LGSN: variants seen among roughly 807,000 people sequenced by gnomAD.
LGSN encodes the protein lengsin.
Under a neutral mutation model 19.5 loss-of-function variants are expected in LGSN, and 21 were observed. That is an observed-to-expected ratio of 1.07 (90% CI 0.76 to 1.55). The LOEUF (loss-of-function observed/expected upper bound fraction) is 1.55. LGSN is among the 40% of genes most tolerant of loss of function. The pLI, the probability that LGSN is intolerant of heterozygous loss-of-function variation, is 0.00. For missense variants in LGSN, 673 were observed against 608.5 expected, an observed-to-expected ratio of 1.11 and a Z score of -1.12; for synonymous variants, 257 against 215.6, an observed-to-expected ratio of 1.19 and a Z score of -1.68.
chr6:63,505,964 T>C, the LGSN span, among the ~76,000 whole-genome samples: 4 of 151,996 alleles, frequency 2.6e-5, no homozygotes, highest in Non-Finnish European at 5.9e-5. Flanking sequence ...ATTTTATTTG[T>C]AATGGGACAC....
the LGSN span, among the ~76,000 whole-genome samples, chr6:63,489,133 C>A: frequency 6.6e-6 from 1 of 152,028 alleles, no homozygotes; most frequent in Non-Finnish European, 1.5e-5. Context: ...AAAATATAAC[C>A]ATTTTAGATG....
the LGSN span, among the ~76,000 whole-genome samples, chr6:63,544,414 G>A: frequency 6.6e-6 from 1 of 151,794 alleles, no homozygotes; most frequent in African/African-American, 2.4e-5. Flanking sequence ...AAACCCCAGG[G>A]TCCAAAAACA....
the LGSN span, among the ~76,000 whole-genome samples, chr6:63,513,280 T>C: frequency 6.6e-6 from 1 of 152,234 alleles, no homozygotes; most frequent in African/African-American, 2.4e-5. Flanking sequence ...AGAAGCCTCC[T>C]ATGCAGATTG....
chr6:63,331,706 G>A, the LGSN span, among the ~76,000 whole-genome samples: 95 of 152,226 alleles, frequency 6.2e-4, no homozygotes, highest in African/African-American at 2.1e-3. Context: ...ACTCACCTAC[G>A]CAGCAGCAGA....
At chr6:63,433,311 A>G in the LGSN span, among the ~76,000 whole-genome samples, 1 of 152,238 alleles carries the variant, frequency 6.6e-6, no homozygotes, top group Non-Finnish European at 1.5e-5. Flanking sequence ...AGGGCTTTAG[A>G]TGAATTAACT....
chr6:63,454,793 C>CTTTTTT, the LGSN span, among the ~76,000 whole-genome samples: 186 of 91,706 alleles, frequency 2.0e-3, 1 homozygote, highest in East Asian at 2.8e-3. Context: ...TTTTCTTTTT[C>CTTTTTT]TTTTTTTTTT....
chr6:63,532,402 C>G, the LGSN span, among the ~76,000 whole-genome samples: 1 of 152,164 alleles, frequency 6.6e-6, no homozygotes, highest in Non-Finnish European at 1.5e-5. Flanking sequence ...TGCTCACATA[C>G]TACCAGTACC....
the LGSN span, among the ~76,000 whole-genome samples, chr6:63,564,146 G>A: frequency 1.3e-5 from 2 of 151,944 alleles, no homozygotes; most frequent in Admixed American, 6.6e-5. Flanking sequence ...GTGGTGGCAG[G>A]TGCCTGGTAA....
chr6:63,390,633 G>A, the LGSN span, among the ~76,000 whole-genome samples: 4 of 151,240 alleles, frequency 2.6e-5, no homozygotes, highest in Non-Finnish European at 4.4e-5. Flanking sequence ...GAGGCGGGCG[G>A]ATCACGAGGT....
At chr6:63,453,586 C>A in the LGSN span, among the ~76,000 whole-genome samples, 1 of 151,864 alleles carries the variant, frequency 6.6e-6, no homozygotes, top group Non-Finnish European at 1.5e-5. Context: ...TAGAACCACC[C>A]TGCTTTTTTT....
At chr6:63,553,370 A>G in the LGSN span, among the ~76,000 whole-genome samples, 41 of 152,176 alleles carry the variant, frequency 2.7e-4, no homozygotes, top group Admixed American at 2.7e-3. Context: ...AATGATTTTC[A>G]CACACAATTT....
At chr6:63,532,245 A>G in the LGSN span, among the ~76,000 whole-genome samples, 19 of 152,350 alleles carry the variant, frequency 1.2e-4, no homozygotes, top group East Asian at 3.5e-3. Flanking sequence ...TAGTGTCACA[A>G]TTTATTATGA....
At chr6:63,426,147 G>C in the LGSN span, among the ~76,000 whole-genome samples, 1 of 152,138 alleles carries the variant, frequency 6.6e-6, no homozygotes. Flanking sequence ...CATTGACTGT[G>C]ATAGCACACA....
At chr6:63,361,183 T>A in the LGSN span, among the ~76,000 whole-genome samples, 1 of 152,250 alleles carries the variant, frequency 6.6e-6, no homozygotes, top group Non-Finnish European at 1.5e-5. Flanking sequence ...TCTTCAAAGC[T>A]GTCAGACAGG....
chr6:63,432,187 A>G, the LGSN span, among the ~76,000 whole-genome samples: 9 of 32,648 alleles, frequency 2.8e-4, no homozygotes, highest in African/African-American at 1.1e-3. Flanking sequence ...AAGAAAGAAA[A>G]GAAAAGAAAA....
At chr6:63,408,893 A>T in the LGSN span, among the ~76,000 whole-genome samples, 1 of 152,238 alleles carries the variant, frequency 6.6e-6, no homozygotes, top group African/African-American at 2.4e-5. Context: ...GTAAATAATC[A>T]GGATTAAGTA....
chr6:63,309,389 G>A lies in LGSN; in HGVS notation c.30+10525C>T, dbSNP rs374463152. 1.2e-4 allele frequency among the ~76,000 whole-genome samples: 19 copies of A among 152,216 alleles called. No homozygotes were observed. In the East Asian group the frequency reaches 2.9e-3, roughly 23 times the overall value. ...AGAGGTTGCAGTGAGCCGAGATCTC[G>A]TCATTGCACTCCAGCCTGGGCAACA... On this transcript the variant is annotated intron_variant, in intron 1 of 3. Coordinates refer to ENST00000370657, the MANE Select transcript of LGSN (RefSeq NM_016571.3).
chr6:63,399,969 T>C, the LGSN span, among the ~76,000 whole-genome samples: 17 of 152,192 alleles, frequency 1.1e-4, no homozygotes, highest in Admixed American at 1.0e-3. Context: ...CCTCCCAATA[T>C]ACTAAATTAG....
the LGSN span, among the ~76,000 whole-genome samples, chr6:63,538,664 T>C: frequency 6.6e-6 from 1 of 152,310 alleles, no homozygotes; most frequent in East Asian, 1.9e-4. Context: ...TTTTTTAAGA[T>C]AGCATGAAAA....
Sources: allele counts gnomAD v4.1 joint callset (sites outside exome capture counted in the v4.1 genomes callset), GRCh38; gene constraint gnomAD v4.1.1; transcripts MANE v1.5; gene names NCBI Gene and HGNC (gene_info 2026-07-23, HGNC 2026-07-21).